Variants in PTAR1 observed in about 807,000 individuals in gnomAD.
PTAR1 encodes protein prenyltransferase alpha subunit repeat containing 1, also known as protein prenyltransferase alpha subunit repeat-containing protein 1.
A neutral mutation model predicts 45.5 loss-of-function variants in PTAR1; 17 were observed. That is an observed-to-expected ratio of 0.37 (90% confidence interval 0.26 to 0.56). PTAR1 has a LOEUF of 0.56. Ranked by LOEUF, PTAR1 falls within the 20% of genes least tolerant of loss-of-function variation. The pLI is 0.77. For missense variants in PTAR1, 391 were observed against 476.3 expected (o/e 0.82, Z 1.67); for synonymous variants, 169 against 171.3 (o/e 0.99, Z 0.11).
intron 2 of PTAR1, among the ~76,000 whole-genome samples, chr9:69,743,805 C>A (rs1433602219): frequency 6.6e-6 from 1 of 152,008 alleles, no homozygotes; most frequent in Non-Finnish European, 1.5e-5. Context: ...TAAACAAGAC[C>A]TAATTTTGCC....
chr9:69,734,192 G>A lies in PTAR1; in HGVS notation c.386C>T (p.Ala129Val). ...PIKDLHLGKL[A>V]LTKFPKSPET... ...TGGACTCTTTGGAAACTTGGTTAAG[G>A]CGAGTTTTCCCAGATGTAAATCCTT... Residue 129 changes from alanine (A) to valine (V), a missense_variant, in exon 4 of 8, where the codon GCC becomes GTC. Coordinates refer to ENST00000340434, the MANE Select transcript of PTAR1 (RefSeq NM_001099666.2). The A allele has an allele frequency of 6.3e-7, 1 of 1,592,138 alleles. No individual in the cohort carries two copies. Among genetic ancestry groups the A allele is most frequent in the Non-Finnish European group, 8.6e-7 (1 of 1,167,878 alleles).
intron 5 of PTAR1, among the ~76,000 whole-genome samples, chr9:69,725,218 GATT>G (rs1434083476): frequency 1.3e-5 from 2 of 152,096 alleles, no homozygotes; most frequent in African/African-American, 4.8e-5. Flanking sequence ...AAAACATTTA[GATT>G]ATTTCTAACT....
At chr9:69,730,475 A>G (rs1211192397) in intron 5 of PTAR1, among the ~76,000 whole-genome samples, 4 of 150,616 alleles carry the variant, frequency 2.7e-5, no homozygotes, top group Non-Finnish European at 5.9e-5. Context: ...AATCCTCCCC[A>G]TATCTCTTTC....
intron 3 of PTAR1, among the ~76,000 whole-genome samples, chr9:69,738,143 C>G (rs1825876146): frequency 6.6e-6 from 1 of 152,114 alleles, no homozygotes; most frequent in Admixed American, 6.6e-5. Context: ...ATGACTTTGA[C>G]AGTTTTGAGA....
In PTAR1 at chr9:69,709,856, T is replaced by G. The variant is rs1291949901; in HGVS notation, c.*8486A>C. The G allele has an allele frequency of 1.3e-5, 2 of 152,132 alleles. No individual in the cohort carries two copies. The allele number at this position is 152,132 out of a possible 1,614,324, so 9.4% of individuals were successfully genotyped here. A position where few individuals can be genotyped will look rare whatever the true frequency, so the allele number is the denominator to read the frequency against. ...ACATGCAATTTAAGCTATATTATTT[T>G]GAAGAAACAGGACAGAATTTAGTGA... On this transcript the variant is annotated 3_prime_UTR_variant, in exon 8 of 8. Transcript: ENST00000340434.
Position 69,710,277 on chromosome 9 carries a change from A to T in PTAR1, c.*8065T>A, listed in dbSNP as rs1824475650. On this transcript the variant is annotated 3_prime_UTR_variant, in exon 8 of 8. Coordinates refer to ENST00000340434, the MANE Select transcript of PTAR1 (RefSeq NM_001099666.2). ...AGACTTAGTATGGAAGAAAAAGAAG[A>T]TAAGGTGTTTCATTAATAATCTTTT... 6.6e-6 allele frequency: 1 copy of T among 152,132 alleles called. No individual in the cohort carries two copies. The highest frequency in any genetic ancestry group is 2.4e-5 in the African/African-American group (1 of 41,448). The allele number at this position is 152,132 out of a possible 1,614,324, so 9.4% of individuals were successfully genotyped here. A position where few individuals can be genotyped will look rare whatever the true frequency, so the allele number is the denominator to read the frequency against.
chr9:69,743,676 C>G (rs1199464646), intron 2 of PTAR1, among the ~76,000 whole-genome samples: 1 of 152,004 alleles, frequency 6.6e-6, no homozygotes, highest in Non-Finnish European at 1.5e-5. Context: ...TAATGTTTAT[C>G]AAGAAAAATA....
rs938126023 is a variant in PTAR1 at position 69,712,171 on chromosome 9, A to G, written c.*6171T>C. On this transcript the variant is annotated 3_prime_UTR_variant, in exon 8 of 8. Coordinates refer to ENST00000340434, the MANE Select transcript of PTAR1 (RefSeq NM_001099666.2). Reference sequence around the variant, plus strand: ...AAATAAGCAATCTAAAGTATGCTGCATAGTACCTTGAGGAAAGTGACTGCT... The same window carrying G: ...AAATAAGCAATCTAAAGTATGCTGCGTAGTACCTTGAGGAAAGTGACTGCT... 3.3e-5 allele frequency: 5 copies of G among 152,146 alleles called. No individual in the cohort carries two copies. Among genetic ancestry groups the G allele is most frequent in the Non-Finnish European group, 5.9e-5 (4 of 68,000 alleles). The allele number at this position is 152,146 out of a possible 1,614,324, so 9.4% of individuals were successfully genotyped here.
intron 1 of PTAR1, chr9:69,757,762 A>C (rs1826855431): frequency 6.6e-6 from 1 of 152,138 alleles, no homozygotes; most frequent in Non-Finnish European, 1.5e-5. Flanking sequence ...CCTTAAAAAA[A>C]AAAAAAGAAA....
intron 6 of PTAR1, among the ~76,000 whole-genome samples, chr9:69,722,196 T>G (rs1275347185): frequency 6.6e-6 from 1 of 152,170 alleles, no homozygotes; most frequent in East Asian, 1.9e-4. Flanking sequence ...AAAATCTCAA[T>G]AACTTTAGAA....
At chr9:69,739,805 C>A (rs1825960152) in intron 3 of PTAR1, among the ~76,000 whole-genome samples, 1 of 152,114 alleles carries the variant, frequency 6.6e-6, no homozygotes, top group Admixed American at 6.6e-5. Flanking sequence ...GAACACATAT[C>A]CACAAAGGAT....
chr9:69,732,248 T>C lies in PTAR1; in HGVS notation c.533A>G (p.Gln178Arg). Residue 178 changes from glutamine (Q) to arginine (R), a missense_variant, in exon 5 of 8, where the codon CAA becomes CGA. Physicochemically the swap from Gln to Arg is conservative, Grantham distance 43. Around this residue, in one of 5 missense-constraint regions of PTAR1, gnomAD observed 46 missense variants for 39.6 expected, o/e 1.16. Transcript: ENST00000340434. ...TTCACCACAGACCTCCATCTCTTCT[T>C]GTATGAGTCGCTGTGCCCTTTCTGT... The part of the protein sequence containing the change: ...IPTERAQRLI[Q>R]EEMEVCGEAA... 6.2e-7 allele frequency: 1 copy of C among 1,613,836 alleles called. No homozygotes were observed. Among genetic ancestry groups the C allele is most frequent in the East Asian group, 2.2e-5 (1 of 44,868 alleles).
intron 3 of PTAR1, among the ~76,000 whole-genome samples, chr9:69,740,553 C>G (rs187862134): frequency 6.6e-6 from 1 of 151,746 alleles, no homozygotes; most frequent in Admixed American, 6.6e-5. Context: ...TTCCCTATTA[C>G]TCTGATTTCT....
At chr9:69,755,531 C>CA (rs1194278778) in intron 1 of PTAR1, among the ~76,000 whole-genome samples, 1 of 152,144 alleles carries the variant, frequency 6.6e-6, no homozygotes, top group Non-Finnish European at 1.5e-5. Flanking sequence ...CCCAAATACT[C>CA]AAACTGAATC....
In PTAR1 at chr9:69,710,257, T is replaced by G. The variant is rs531360769; in HGVS notation, c.*8085A>C. 1.3e-5 allele frequency: 2 copies of G among 152,116 alleles called. No homozygotes were observed. Among genetic ancestry groups the G allele is most frequent in the African/African-American group, 4.8e-5 (2 of 41,448 alleles). The allele number at this position is 152,116 out of a possible 1,614,324, so 9.4% of individuals were successfully genotyped here. ...GCAAAATACACTCAAATCTAAGACT[T>G]AGTATGGAAGAAAAAGAAGATAAGG... On this transcript the variant is annotated 3_prime_UTR_variant, in exon 8 of 8. Transcript: ENST00000340434.
intron 1 of PTAR1, chr9:69,758,614 G>C (rs1196959206): frequency 3.1e-6 from 1 of 321,680 alleles, no homozygotes; most frequent in African/African-American, 2.2e-5. Context: ...GCAGTGTTTT[G>C]TTTTTAATGT....
At chr9:69,725,333 T>A (rs1825220318) in intron 5 of PTAR1, among the ~76,000 whole-genome samples, 1 of 152,260 alleles carries the variant, frequency 6.6e-6, no homozygotes, top group East Asian at 1.9e-4. Context: ...CTCATACCTG[T>A]AATCCCAGCA....
Position 69,715,466 on chromosome 9 carries a change from A to G in PTAR1, c.*2876T>C, listed in dbSNP as rs1182435102. 1 of 152,170 alleles carries G rather than the reference A, an allele frequency of 6.6e-6. No individual in the cohort carries two copies. The highest frequency in any genetic ancestry group is 1.9e-4 in the East Asian group (1 of 5,198). The allele number at this position is 152,170 out of a possible 1,614,324, so 9.4% of individuals were successfully genotyped here. On this transcript the variant is annotated 3_prime_UTR_variant, in exon 8 of 8. Coordinates refer to ENST00000340434, the MANE Select transcript of PTAR1 (RefSeq NM_001099666.2). The stretch of plus-strand genomic sequence containing the variant: ...ACTGCCAAAATAGGTACACTAAAGT[A>G]CACTAAGGTACACTAAAGGCGGGGT...
intron 2 of PTAR1, among the ~76,000 whole-genome samples, chr9:69,746,403 C>T (rs1246142268): frequency 6.6e-6 from 1 of 152,228 alleles, no homozygotes; most frequent in Non-Finnish European, 1.5e-5. Flanking sequence ...AAAGCAGATG[C>T]TCTTTCACTC....
Sources: gnomAD v4.1 joint callset for allele counts (sites outside exome capture counted in the v4.1 genomes callset) on GRCh38, gnomAD v4.1.1 for gene constraint, gnomAD v4.1.1 regional missense constraint, MANE v1.5 for transcripts, NCBI Gene and HGNC (gene_info 2026-07-23, HGNC 2026-07-21) for gene names.